SIK2: variants seen among roughly 807,000 people sequenced by gnomAD.
SIK2 encodes the protein salt inducible kinase 2.
A neutral mutation model predicts 103.2 loss-of-function variants in SIK2; 29 were observed. That is an observed-to-expected ratio of 0.28 (90% CI 0.21 to 0.38). The LOEUF is 0.38. Ranked by LOEUF, SIK2 falls within the 10% of genes least tolerant of loss-of-function variation. SIK2 has a pLI of 1.00. For synonymous variants in SIK2, 412 were observed against 446.1 expected (o/e 0.92, Z 0.96); for missense variants, 879 against 1,171.0 (o/e 0.75, Z 3.64).
intron 3 of SIK2, among the ~76,000 whole-genome samples, chr11:111,654,898 G>C (rs1032332609): frequency 2.0e-5 from 3 of 152,088 alleles, no homozygotes; most frequent in African/African-American, 4.8e-5. Context: ...TCCTCCCCAG[G>C]TAGGGACTAG....
At chr11:111,644,976 A>G (rs1419952471) in intron 3 of SIK2, among the ~76,000 whole-genome samples, 1 of 152,198 alleles carries the variant, frequency 6.6e-6, no homozygotes, top group Non-Finnish European at 1.5e-5. Context: ...GCATTGTTTC[A>G]GTCACTGTTC....
chr11:111,680,653 T>A (rs1344106115), intron 3 of SIK2, among the ~76,000 whole-genome samples: 1 of 152,206 alleles, frequency 6.6e-6, no homozygotes, highest in East Asian at 1.9e-4. Context: ...CTCACACCCC[T>A]GAGACATGAG....
rs114695630 is a variant in SIK2 at position 111,626,137 on chromosome 11, G to A, written c.316+5735G>A. Among the ~76,000 whole-genome samples the A allele has an allele frequency of 8.0e-3, 1,217 of 152,280 alleles. 28 individuals are homozygous for A. The highest frequency in any genetic ancestry group is 0.027 in the African/African-American group (1,139 of 41,562). On this transcript the variant is annotated intron_variant, in intron 3 of 14. Coordinates refer to ENST00000304987, the MANE Select transcript of SIK2 (RefSeq NM_015191.3). ...AGAAGAATCTGATGTCCACAGAAAA[G>A]TTGGACAGTGAATGCTATTATCTTA...
chr11:111,666,744 C>T (rs531062694), intron 3 of SIK2, among the ~76,000 whole-genome samples: 1 of 152,150 alleles, frequency 6.6e-6, no homozygotes, highest in Admixed American at 6.5e-5. Flanking sequence ...TAACCATCTG[C>T]ATTTATGATG....
At chr11:111,649,819 T>C (rs2135862790) in intron 3 of SIK2, among the ~76,000 whole-genome samples, 1 of 152,304 alleles carries the variant, frequency 6.6e-6, no homozygotes, top group African/African-American at 2.4e-5. Context: ...AATACTTTTT[T>C]CAACATCACT....
At chr11:111,610,346 C>T (rs1941704960) in intron 1 of SIK2, among the ~76,000 whole-genome samples, 2 of 151,976 alleles carry the variant, frequency 1.3e-5, no homozygotes, top group Non-Finnish European at 2.9e-5. Flanking sequence ...AGAAATTAGC[C>T]TGGCGTGGTG....
Position 111,725,615 on chromosome 11 carries a change from TAAGCACAAAGCATCTTCCTTA to T in SIK2, c.*1497_*1517del, listed in dbSNP as rs1470448326. ...TTGTCCCATCAGCAGATGAATGTGT[TAAGCACAAAGCATCTTCCTTA>T]AAGCACAAAGAGAGGGACTAACTGA... is the stretch of plus-strand genomic sequence containing the variant. On this transcript the variant is annotated 3_prime_UTR_variant, in exon 15 of 15. Transcript: ENST00000304987. The T allele has an allele frequency of 6.5e-6, 1 of 152,704 alleles. No homozygotes were observed. The highest frequency in any genetic ancestry group is 2.4e-5 in the African/African-American group (1 of 41,478). 9.5% of individuals were successfully genotyped at this position (152,704 alleles called of 1,614,324 possible).
At chr11:111,649,225 T>A (rs1454749234) in intron 3 of SIK2, among the ~76,000 whole-genome samples, 1 of 152,172 alleles carries the variant, frequency 6.6e-6, no homozygotes, top group Non-Finnish European at 1.5e-5. Flanking sequence ...TCCTTGCACA[T>A]ATTCCATGTA....
chr11:111,711,348 C>G (rs918602693), intron 8 of SIK2, among the ~76,000 whole-genome samples: 1 of 152,122 alleles, frequency 6.6e-6, no homozygotes, highest in Non-Finnish European at 1.5e-5. Context: ...GTCTCGATCT[C>G]CTGATCTCAT....
chr11:111,697,761 C>T (rs1943111126), intron 4 of SIK2, among the ~76,000 whole-genome samples: 1 of 151,818 alleles, frequency 6.6e-6, no homozygotes, highest in Admixed American at 6.6e-5. Context: ...GGTGCTGAGG[C>T]AGGAGGGTCA....
intron 1 of SIK2, among the ~76,000 whole-genome samples, chr11:111,613,398 C>T (rs2135833369): frequency 6.6e-6 from 1 of 152,248 alleles, no homozygotes; most frequent in East Asian, 1.9e-4. Context: ...TATAGACTCA[C>T]TCCTGAAATT....
intron 9 of SIK2, among the ~76,000 whole-genome samples, chr11:111,714,652 G>A (rs1252781265): frequency 1.3e-5 from 2 of 152,316 alleles, no homozygotes; most frequent in East Asian, 1.9e-4. Flanking sequence ...CCTAGATGGA[G>A]GGTGAGAGCC....
chr11:111,662,719 A>T (rs1942483349), intron 3 of SIK2, among the ~76,000 whole-genome samples: 1 of 151,502 alleles, frequency 6.6e-6, no homozygotes, highest in Admixed American at 6.6e-5. Flanking sequence ...TCTACAAAAG[A>T]TACAAAATAG....
intron 8 of SIK2, among the ~76,000 whole-genome samples, chr11:111,707,879 T>A (rs1943394003): frequency 6.6e-6 from 1 of 152,194 alleles, no homozygotes; most frequent in Non-Finnish European, 1.5e-5. Context: ...CAAGTCAGCG[T>A]CTCTGAGTTC....
chr11:111,699,047 T>TA (rs1204090464), intron 4 of SIK2, among the ~76,000 whole-genome samples: 1 of 152,226 alleles, frequency 6.6e-6, no homozygotes, highest in Non-Finnish European at 1.5e-5. Context: ...TATGTGTCCA[T>TA]ATGAGATATG....
intron 3 of SIK2, among the ~76,000 whole-genome samples, chr11:111,642,142 G>A (rs559398949): frequency 5.2e-4 from 79 of 152,212 alleles, no homozygotes; most frequent in African/African-American, 1.9e-3. Flanking sequence ...GCGGAGGGTG[G>A]AGGGGCTCCC....
At chr11:111,631,135 A>G (rs563181366) in intron 3 of SIK2, among the ~76,000 whole-genome samples, 8 of 152,324 alleles carry the variant, frequency 5.3e-5, no homozygotes, top group African/African-American at 1.9e-4. Flanking sequence ...AGTTACAATG[A>G]TAATTAGAGA....
intron 3 of SIK2, among the ~76,000 whole-genome samples, chr11:111,666,947 ATTT>A (rs1942552288): frequency 1.1e-4 from 1 of 8,904 alleles, no homozygotes; most frequent in African/African-American, 1.1e-4. Context: ...ATTTTATTTT[ATTT>A]ATTTATTTAT....
chr11:111,679,174 T>A (rs905725472), intron 3 of SIK2, among the ~76,000 whole-genome samples: 1 of 152,258 alleles, frequency 6.6e-6, no homozygotes, highest in Non-Finnish European at 1.5e-5. Flanking sequence ...TACAATCTAG[T>A]AGCTTCTGTG....
Sources: gnomAD v4.1 joint callset for allele counts (sites outside exome capture counted in the v4.1 genomes callset) on GRCh38, gnomAD v4.1.1 for gene constraint, MANE v1.5 for transcripts, NCBI Gene and HGNC (gene_info 2026-07-23, HGNC 2026-07-21) for gene names.